NOS2: variants seen among roughly 807,000 people sequenced by gnomAD.
NOS2 encodes the protein nitric oxide synthase 2.
Under a neutral mutation model 136.0 loss-of-function variants are expected in NOS2, and 96 were observed. The observed-to-expected ratio is 0.71, with a 90% CI of 0.60 to 0.84. NOS2 has a LOEUF of 0.84. Ranked by LOEUF, NOS2 falls within the 40% of genes least tolerant of loss-of-function variation. NOS2 has a pLI of 0.00. For synonymous variants in NOS2, 539 were observed against 587.5 expected (o/e 0.92, Z 1.20); for missense variants, 1,237 against 1,496.9 (o/e 0.83, Z 2.87).
Position 27,774,359 on chromosome 17 carries a change from C to T in NOS2, c.1374G>A (p.Pro458=), listed in dbSNP as rs142783060. 1.4e-5 allele frequency: 22 copies of T among 1,583,158 alleles called. No homozygotes were observed. The highest frequency in any genetic ancestry group is 1.8e-5 in the Admixed American group (1 of 55,552). The change falls in exon 12 of 27, where the codon CCG becomes CCA. Residue 458 remains proline, a synonymous_variant. Coordinates refer to ENST00000313735, the MANE Select transcript of NOS2 (RefSeq NM_000625.4). ...QNEYRSRGGC[P]ADWIWLVPPM... is the part of the protein sequence containing the mutation. ...GAGGGACCAGCCAAATCCAGTCTGC[C>T]GGGCAGCCCCCACGGGACCGGTATT...
intron 9 of NOS2, among the ~76,000 whole-genome samples, chr17:27,779,280 T>A (rs1206432069): frequency 8.1e-6 from 1 of 123,650 alleles, no homozygotes; most frequent in African/African-American, 3.0e-5. Context: ...GCTCAGCTAA[T>A]TTTTTTCCTT....
At chr17:27,773,623 C>A (rs976186907) in intron 12 of NOS2, among the ~76,000 whole-genome samples, 39 of 152,162 alleles carry the variant, frequency 2.6e-4, no homozygotes, top group Non-Finnish European at 4.4e-5. Flanking sequence ...ACAGGCAAGA[C>A]TCCAGGACAT....
In NOS2 at chr17:27,779,126, G is replaced by T. The variant is rs927128074; in HGVS notation, c.1005-70C>A. 70 of 1,166,484 alleles carry T rather than the reference G, an allele frequency of 6.0e-5. No individual in the cohort carries two copies. The African/African-American group carries it at 1.0e-3, about 17-fold the overall frequency. The allele number at this position is 1,166,484 out of a possible 1,614,324, so 72.3% of individuals were successfully genotyped here. A position where few individuals can be genotyped will look rare whatever the true frequency, so the allele number is the denominator to read the frequency against. On this transcript the variant is annotated intron_variant, in intron 9 of 26. Transcript: ENST00000313735. ...TTATTTTATTATTATTTTTTTTTTA[G>T]TGACTTGGTCTTGCTCTGTTGCTCA...
At chr17:27,777,617 T>C (rs1908700446) in intron 11 of NOS2, among the ~76,000 whole-genome samples, 1 of 152,238 alleles carries the variant, frequency 6.6e-6, no homozygotes, top group South Asian at 2.1e-4. Flanking sequence ...GCCCTCATCA[T>C]TCATTCTTCA....
chr17:27,768,925 G>A, intron 17 of NOS2, 52 bp downstream of exon 17: 1 of 1,515,262 alleles, frequency 6.6e-7, no homozygotes. Context: ...TCCTAGGCAT[G>A]AATGCACCCT....
At position 27,769,447 on chromosome 17, in the gene NOS2, C is replaced by A. The variant is rs9282801; in HGVS notation, c.1859+88G>T. 0.33 allele frequency: 367,874 copies of A among 1,117,100 alleles called. 62,731 individuals are homozygous for A. The highest frequency in any genetic ancestry group is 0.47 in the Middle Eastern group (1,642 of 3,510). 69.2% of individuals were successfully genotyped at this position (1,117,100 alleles called of 1,614,324 possible). A position where few individuals can be genotyped will look rare whatever the true frequency, so the allele number is the denominator to read the frequency against. On this transcript the variant is annotated intron_variant, in intron 16 of 26. Coordinates refer to ENST00000313735, the MANE Select transcript of NOS2 (RefSeq NM_000625.4). The stretch of plus-strand genomic sequence containing the variant: ...TGTGCCTGCACGGTTCTGAGAAGAC[C>A]CCCTGTGCACACCCAGTTCCATCCC...
intron 21 of NOS2, among the ~76,000 whole-genome samples, 180 bp from the exon 22 acceptor site, chr17:27,763,185 A>AACT (rs1908191464): frequency 6.6e-6 from 1 of 152,200 alleles, no homozygotes; most frequent in Non-Finnish European, 1.5e-5. Context: ...GTCCTGGAGG[A>AACT]ACTCAGTCCA....
intron 22 of NOS2, 46 bp from the exon 23 acceptor site, chr17:27,761,277 C>T (rs759458902): frequency 1.3e-5 from 19 of 1,491,836 alleles, no homozygotes; most frequent in South Asian, 1.1e-4. Context: ...ACTGCCCATG[C>T]GCAAACTGTA....
In NOS2 at chr17:27,758,966, T is replaced by G; in HGVS notation, c.3269A>C (p.Asp1090Ala). 1 of 1,613,214 alleles carries G rather than the reference T, an allele frequency of 6.2e-7. No individual in the cohort carries two copies. Among genetic ancestry groups the G allele is most frequent in the East Asian group, 2.2e-5 (1 of 44,852 alleles). Reference protein sequence around the residue: ...YVCGDVRMARDVAHTLKQLVA... With the variant: ...YVCGDVRMARAVAHTLKQLVA... ...CAGCTGCTTCAGGGTGTGGGCCACG[T>G]CCCGGGCCATGCGCACATCCCCGCA... The change falls in exon 26 of 27, where the codon GAC (aspartate) becomes GCC (alanine). Residue 1090 changes from aspartate (D) to alanine (A), a missense_variant. Around this residue, in one of 3 missense-constraint regions of NOS2, gnomAD observed 782 missense variants for 909.9 expected, o/e 0.86. Transcript: ENST00000313735.
rs762661455 is a variant in NOS2 at position 27,765,646 on chromosome 17, G to A, written c.2317C>T (p.Leu773Phe). The A allele has an allele frequency of 1.2e-6, 2 of 1,613,376 alleles. No homozygotes were observed. The highest frequency in any genetic ancestry group is 1.7e-6 in the Non-Finnish European group (2 of 1,180,018). ...QGLNYLPGEH[L>F]GVCPGNQPAL... is the part of the protein sequence containing the mutation. ...GGCTGGTTGCCTGGGCAAACCCCAA[G>A]GTGCTCCCCCGGCAGGTAGTTCAGG... The change falls in exon 20 of 27, where the codon CTT becomes TTT. Residue 773 changes from leucine (L) to phenylalanine (F), a missense_variant. Physicochemically the swap from Leu to Phe is conservative, Grantham distance 22. Around this residue, in one of 3 missense-constraint regions of NOS2, gnomAD observed 782 missense variants for 909.9 expected, o/e 0.86. Transcript: ENST00000313735.
At chr17:27,788,146 T>C (rs977575037) in intron 4 of NOS2, among the ~76,000 whole-genome samples, 11 of 151,960 alleles carry the variant, frequency 7.2e-5, no homozygotes, top group African/African-American at 1.2e-4. Flanking sequence ...AACATGATAT[T>C]GGTATTTGGC....
At chr17:27,799,120 C>T (rs891860493) in intron 1 of NOS2, among the ~76,000 whole-genome samples, 10 of 152,192 alleles carry the variant, frequency 6.6e-5, no homozygotes, top group Non-Finnish European at 1.3e-4. Flanking sequence ...CCATCCCCAT[C>T]GCCACTTAAC....
chr17:27,758,475 G>A (rs2151323784), intron 26 of NOS2, among the ~76,000 whole-genome samples: 1 of 152,294 alleles, frequency 6.6e-6, no homozygotes, highest in Admixed American at 6.5e-5. Context: ...GGGGGATGAG[G>A]GTGAGCAGAC....
Position 27,759,045 on chromosome 17 carries a change from G to A in NOS2, c.3190C>T (p.Leu1064=). The A allele has an allele frequency of 1.2e-6, 2 of 1,605,552 alleles. No individual in the cohort carries two copies. The highest frequency in any genetic ancestry group is 1.7e-6 in the Non-Finnish European group (2 of 1,176,606). ...AGCACACGGAGCACCTCGCTGGCCA[G>A]CTGCTGCCGCAGGATGTCCTGAACA... ...VYVQDILRQQ[L]ASEVLRVLHK... is the part of the protein sequence containing the mutation. The change falls in exon 26 of 27, where the codon CTG becomes TTG. Residue 1064 remains leucine, a synonymous_variant. Coordinates refer to ENST00000313735, the MANE Select transcript of NOS2 (RefSeq NM_000625.4).
intron 10 of NOS2, 22 bp from the exon 11 acceptor site, chr17:27,778,813 G>C (rs151146410): frequency 6.2e-7 from 1 of 1,613,548 alleles, no homozygotes; most frequent in South Asian, 1.1e-5. Flanking sequence ...GAGTGATAGC[G>C]GCGAGTCGGT....
intron 21 of NOS2, among the ~76,000 whole-genome samples, 175 bp downstream of exon 21, chr17:27,763,804 CTG>C (rs1908211738): frequency 6.6e-6 from 1 of 151,876 alleles, no homozygotes; most frequent in African/African-American, 2.4e-5. Context: ...CTCAACACAA[CTG>C]TGTCCTAGAC....
At chr17:27,779,922 A>G (rs1004577582) in intron 9 of NOS2, among the ~76,000 whole-genome samples, 2 of 152,270 alleles carry the variant, frequency 1.3e-5, no homozygotes, top group Non-Finnish European at 2.9e-5. Context: ...AGCACCTACT[A>G]TGTGCCAGGC....
chr17:27,770,267 G>A (rs1247555006), intron 15 of NOS2, among the ~76,000 whole-genome samples: 1 of 152,074 alleles, frequency 6.6e-6, no homozygotes, highest in East Asian at 1.9e-4. Flanking sequence ...ATCACCTGAG[G>A]TTGGGAGTTC....
rs1254708514 is a variant in NOS2, at chr17:27,769,568, A to AGCTCAGCATGAAG, written c.1825_1826insCTTCATGCTGAGC (p.Leu609ProfsTer4). On this transcript the variant is annotated stop_gained and frameshift_variant, in exon 16 of 27. Transcript: ENST00000313735. LOFTEE classifies it high-confidence loss of function. ...GTTGTTGAGCTCTTTCAGCATGAAG[A>AGCTCAGCATGAAG]GCGATTTCTTCAGTTTCTAGAAAGA... 6.2e-7 allele frequency: 1 copy of AGCTCAGCATGAAG among 1,613,600 alleles called. No individual in the cohort carries two copies. Among genetic ancestry groups the AGCTCAGCATGAAG allele is most frequent in the Admixed American group, 1.7e-5 (1 of 60,026 alleles).
Sources: allele counts gnomAD v4.1 joint callset (sites outside exome capture counted in the v4.1 genomes callset), GRCh38; gene constraint gnomAD v4.1.1; regional missense constraint gnomAD v4.1.1; transcripts MANE v1.5; gene names NCBI Gene and HGNC (gene_info 2026-07-23, HGNC 2026-07-21).